The following C2CD5 variants were observed in gnomAD, a reference collection of about 807,000 sequenced individuals.
C2CD5 encodes the protein C2 domain-containing protein 5.
Under a neutral mutation model 130.3 loss-of-function variants are expected in C2CD5, and 109 were observed. That is an observed-to-expected ratio of 0.84 (90% CI 0.72 to 0.98). The LOEUF (loss-of-function observed/expected upper bound fraction) is 0.98. Among genes scored for constraint, C2CD5 ranks in the 50% least tolerant of loss-of-function variants. The pLI, the probability that C2CD5 is intolerant of heterozygous loss-of-function variation, is 0.00. For synonymous variants in C2CD5, 454 were observed against 429.2 expected (o/e 1.06, Z -0.71); for missense variants, 996 against 1,261.8 (o/e 0.79, Z 3.19).
At chr12:22,469,207 A>G (rs988653219) in intron 22 of C2CD5, among the ~76,000 whole-genome samples, 1 of 152,184 alleles carries the variant, frequency 6.6e-6, no homozygotes, top group Non-Finnish European at 1.5e-5. Flanking sequence ...ATATAAGTAC[A>G]TAACAATGTT....
At chr12:22,476,318 C>T (rs113806073) in intron 15 of C2CD5, among the ~76,000 whole-genome samples, 2 of 152,078 alleles carry the variant, frequency 1.3e-5, no homozygotes, top group African/African-American at 4.8e-5. Flanking sequence ...TGGTAATCAA[C>T]CTTGTACACT....
At position 22,483,561 on chromosome 12, in the gene C2CD5, C is replaced by T. The variant is rs1476633251; in HGVS notation, c.1551-818G>A. ...AAAATAAACACATTTTTCAGACAGACAAAAAAAATAGCTCACCACCAGCAG... is the reference window on the plus strand; with the variant it reads ...AAAATAAACACATTTTTCAGACAGATAAAAAAAATAGCTCACCACCAGCAG... On this transcript the variant is annotated intron_variant, in intron 13 of 26. Transcript: ENST00000446597. 2.0e-5 allele frequency among the ~76,000 whole-genome samples: 3 copies of T among 151,144 alleles called. No individual in the cohort carries two copies. The East Asian group carries it at 5.8e-4, about 29-fold the overall frequency.
chr12:22,462,458 C>T (rs1324635778), intron 22 of C2CD5, among the ~76,000 whole-genome samples: 1 of 152,022 alleles, frequency 6.6e-6, no homozygotes, highest in African/African-American at 2.4e-5. Context: ...AATAAATGAC[C>T]CTAGAAACTT....
intron 6 of C2CD5, among the ~76,000 whole-genome samples, chr12:22,523,856 A>G (rs1431192794): frequency 6.6e-6 from 1 of 151,368 alleles, no homozygotes. Context: ...GCACAAATAT[A>G]TAGAATAAAA....
At chr12:22,530,103 T>C (rs1951100100) in intron 3 of C2CD5, among the ~76,000 whole-genome samples, 1 of 115,740 alleles carries the variant, frequency 8.6e-6, no homozygotes, top group African/African-American at 3.7e-5. Context: ...TATATATATA[T>C]ATATATATAC....
At chr12:22,525,444 A>G (rs549953353) in intron 5 of C2CD5, among the ~76,000 whole-genome samples, 166 bp downstream of exon 5, 1 of 152,322 alleles carries the variant, frequency 6.6e-6, no homozygotes, top group Admixed American at 6.5e-5. Flanking sequence ...TATCATTTAT[A>G]CTCAAATCAG....
chr12:22,539,414 G>GT (rs1215066206), intron 2 of C2CD5, among the ~76,000 whole-genome samples: 14 of 151,966 alleles, frequency 9.2e-5, no homozygotes, highest in Admixed American at 2.0e-4. Context: ...TTAATATCAA[G>GT]TTTTTTCAAG....
chr12:22,472,023 G>A lies in C2CD5; in HGVS notation c.2212C>T (p.Leu738=), dbSNP rs766971556. Residue 738 remains leucine, a synonymous_variant, in exon 19 of 27, where the codon CTG becomes TTG. Transcript: ENST00000446597. Reference sequence around the variant, plus strand: ...TTCTTATTGAGAGCTTGATTAGTCAGGTTGAGGCTGCTTAATCTGATTACT... The same window carrying A: ...TTCTTATTGAGAGCTTGATTAGTCAAGTTGAGGCTGCTTAATCTGATTACT... ...VRVIRLSSLN[L]TNQALNKNFN... 5 of 1,608,832 alleles carry A rather than the reference G, an allele frequency of 3.1e-6. No homozygotes were observed. In the Admixed American group the frequency reaches 6.7e-5, roughly 22 times the overall value.
intron 12 of C2CD5, among the ~76,000 whole-genome samples, chr12:22,486,930 A>G (rs1422038735): frequency 2.0e-5 from 3 of 152,174 alleles, no homozygotes; most frequent in African/African-American, 7.2e-5. Context: ...TTTTTGACAA[A>G]CCTGACAAAA....
chr12:22,480,883 C>T (rs1464370549), intron 14 of C2CD5, among the ~76,000 whole-genome samples: 1 of 152,016 alleles, frequency 6.6e-6, no homozygotes, highest in Non-Finnish European at 1.5e-5. Flanking sequence ...CGGCTCACTG[C>T]AGCCTCAAGC....
chr12:22,472,230 A>G, intron 18 of C2CD5, 56 bp downstream of exon 18: 1 of 1,066,776 alleles, frequency 9.4e-7, no homozygotes, highest in Non-Finnish European at 1.4e-6. Flanking sequence ...ATTTAAATGG[A>G]ACTTACTAAA....
At chr12:22,479,700 T>C (rs1045437929) in intron 14 of C2CD5, among the ~76,000 whole-genome samples, 4 of 152,174 alleles carry the variant, frequency 2.6e-5, no homozygotes, top group African/African-American at 9.6e-5. Context: ...AATATCTAAT[T>C]AAATTACTAT....
intron 25 of C2CD5, among the ~76,000 whole-genome samples, chr12:22,455,934 C>T (rs1406783309): frequency 2.0e-5 from 3 of 152,214 alleles, no homozygotes; most frequent in East Asian, 3.8e-4. Context: ...ATCTACCCGC[C>T]TCAGCCTCCC....
chr12:22,513,351 T>A lies in C2CD5; in HGVS notation c.981A>T (p.Glu327Asp). The change falls in exon 9 of 27, where the codon GAA (glutamate) becomes GAT (aspartate). Residue 327 changes from glutamate to aspartate, a missense_variant. Physicochemically the swap from Glu to Asp is conservative, Grantham distance 45. Around this residue, in one of 9 missense-constraint regions of C2CD5, gnomAD observed 156 missense variants for 165.9 expected, o/e 0.94. Coordinates refer to ENST00000446597, the MANE Select transcript of C2CD5 (RefSeq NM_001286176.2). Reference sequence around the variant, plus strand: ...TTAAAAGAGCTTTAAAGGGCCCCCCTTCTTTTCCAGCACTACCACTTCCCA... The same window carrying A: ...TTAAAAGAGCTTTAAAGGGCCCCCCATCTTTTCCAGCACTACCACTTCCCA... ...TGMGSGSAGKEGGPFKALLRQ... is the reference protein window; with the variant it reads ...TGMGSGSAGKDGGPFKALLRQ... The A allele has an allele frequency of 6.2e-7, 1 of 1,612,186 alleles. No individual in the cohort carries two copies. Among genetic ancestry groups the A allele is most frequent in the Non-Finnish European group, 8.5e-7 (1 of 1,178,386 alleles).
intron 3 of C2CD5, among the ~76,000 whole-genome samples, chr12:22,532,821 C>T (rs1219042501): frequency 6.6e-6 from 1 of 152,156 alleles, no homozygotes; most frequent in African/African-American, 2.4e-5. Context: ...TACCCAGGCT[C>T]CATAATGGTT....
At chr12:22,536,870 G>T (rs956370664) in intron 2 of C2CD5, among the ~76,000 whole-genome samples, 1 of 152,074 alleles carries the variant, frequency 6.6e-6, no homozygotes, top group African/African-American at 2.4e-5. Flanking sequence ...CAATGATAAA[G>T]AAATGAAACT....
In C2CD5 at chr12:22,535,435, C is replaced by A. The variant is rs1401704788; in HGVS notation, c.91-91G>T. 8 of 694,668 alleles carry A rather than the reference C, an allele frequency of 1.2e-5. No homozygotes were observed. In the East Asian group the frequency reaches 2.2e-4, roughly 19 times the overall value. The allele number at this position is 694,668 out of a possible 1,614,324, so 43.0% of individuals were successfully genotyped here. ...GTCAGCCAACCAATAGAAGGATAAA[C>A]CATAAAGGGGACAAAAGACTATTAT... On this transcript the variant is annotated intron_variant, in intron 2 of 26. Coordinates refer to ENST00000446597, the MANE Select transcript of C2CD5 (RefSeq NM_001286176.2).
intron 3 of C2CD5, among the ~76,000 whole-genome samples, chr12:22,530,992 G>T (rs1951218215): frequency 6.6e-6 from 1 of 151,986 alleles, no homozygotes; most frequent in Non-Finnish European, 1.5e-5. Flanking sequence ...ACAATGTAAT[G>T]AAAACTATTC....
chr12:22,512,045 G>A (rs1949252132), intron 9 of C2CD5, among the ~76,000 whole-genome samples: 1 of 152,156 alleles, frequency 6.6e-6, no homozygotes, highest in African/African-American at 2.4e-5. Context: ...ATGTTTAGGT[G>A]GGCCTTTTGG....
Sources: allele counts gnomAD v4.1 joint callset (sites outside exome capture counted in the v4.1 genomes callset), GRCh38; gene constraint gnomAD v4.1.1; regional missense constraint gnomAD v4.1.1; transcripts MANE v1.5; gene names NCBI Gene and HGNC (gene_info 2026-07-23, HGNC 2026-07-21).